Variants in ZNF254 observed in about 807,000 individuals in gnomAD.
The protein encoded by ZNF254 is CTD-2017D11.1.
In ZNF254, 10 loss-of-function variants were observed where a neutral mutation model predicts 12.4. The ratio of observed to expected loss-of-function variants is 0.80; its 90% CI spans 0.50 to 1.36. ZNF254 has a LOEUF of 1.36. ZNF254 is among the 40% of genes most tolerant of loss of function. The probability of loss-of-function intolerance (pLI) is 0.00; values close to 1 mark genes in which losing one functional copy is unlikely to be tolerated. For missense variants in ZNF254, 996 were observed against 763.9 expected (o/e 1.30, Z -3.58); for synonymous variants, 305 against 253.4 (o/e 1.20, Z -1.93).
chr19:24,059,117 T>C (rs956325917), intron 2 of ZNF254, among the ~76,000 whole-genome samples: 10 of 152,254 alleles, frequency 6.6e-5, no homozygotes, highest in African/African-American at 2.2e-4. Flanking sequence ...CAGAAGGCAC[T>C]ATAAAATATT....
chr19:24,045,363 T>C (rs557180287), intron 1 of ZNF254, among the ~76,000 whole-genome samples: 3 of 152,094 alleles, frequency 2.0e-5, no homozygotes, highest in South Asian at 4.1e-4. Flanking sequence ...CCTCCCCTTG[T>C]AGACTGAGGT....
chr19:24,127,994 G>A lies in ZNF254; in HGVS notation c.*14G>A, dbSNP rs1975022733. On this transcript the variant is annotated 3_prime_UTR_variant, in exon 4 of 4. Transcript: ENST00000357002. ...TTACAAGTATGAATAATGTGCCAAA[G>A]CCTAAGAAAACCCTCAATTCTTAAT... 6.6e-7 allele frequency: 1 copy of A among 1,523,268 alleles called. No homozygotes were observed. Among genetic ancestry groups the A allele is most frequent in the Non-Finnish European group, 8.8e-7 (1 of 1,142,368 alleles). 94.4% of individuals were successfully genotyped at this position (1,523,268 alleles called of 1,614,324 possible). A position where few individuals can be genotyped will look rare whatever the true frequency, so the allele number is the denominator to read the frequency against.
chr19:24,033,728 G>T (rs1969851669), intron 1 of ZNF254: 5 of 259,926 alleles, frequency 1.9e-5, no homozygotes, highest in South Asian at 1.2e-4. Flanking sequence ...CCCTGCTGGC[G>T]CAGTTCAGCC....
intron 1 of ZNF254, among the ~76,000 whole-genome samples, chr19:24,043,994 C>G (rs1259352137): frequency 6.7e-6 from 1 of 148,958 alleles, no homozygotes; most frequent in African/African-American, 2.5e-5. Context: ...TAATCTCAGC[C>G]CTTTGGGAGG....
intron 1 of ZNF254, among the ~76,000 whole-genome samples, chr19:24,093,478 A>G (rs974342279): frequency 5.9e-5 from 9 of 152,116 alleles, no homozygotes; most frequent in African/African-American, 1.9e-4. Context: ...ATGGTGTAAT[A>G]AAGGGGTCCA....
intron 2 of ZNF254, among the ~76,000 whole-genome samples, chr19:24,063,236 T>C (rs1466346127): frequency 1.3e-5 from 2 of 152,186 alleles, no homozygotes; most frequent in African/African-American, 4.8e-5. Flanking sequence ...ATGAGTGTAA[T>C]TGTTAATGTC....
At chr19:24,041,796 G>A (rs1260745263) in intron 1 of ZNF254, among the ~76,000 whole-genome samples, 1 of 152,246 alleles carries the variant, frequency 6.6e-6, no homozygotes, top group African/African-American at 2.4e-5. Context: ...GTGGGGACGT[G>A]GAGAGTCTTT....
chr19:24,047,868 G>T (rs1441441531), intron 2 of ZNF254, among the ~76,000 whole-genome samples: 2 of 151,022 alleles, frequency 1.3e-5, no homozygotes, highest in African/African-American at 4.9e-5. Context: ...TGTATTTTTA[G>T]TAGAGATGGG....
intron 1 of ZNF254, among the ~76,000 whole-genome samples, chr19:24,090,880 C>T (rs1168127527): frequency 6.7e-6 from 1 of 148,982 alleles, no homozygotes; most frequent in Non-Finnish European, 1.5e-5. Context: ...TTTCATTTAC[C>T]TTTTTCTTTC....
intron 1 of ZNF254, among the ~76,000 whole-genome samples, chr19:24,094,631 T>C (rs1248102825): frequency 6.6e-6 from 1 of 152,188 alleles, no homozygotes; most frequent in Non-Finnish European, 1.5e-5. Flanking sequence ...AATAGTAGTG[T>C]TGAGAGAAGG....
intron 3 of ZNF254, among the ~76,000 whole-genome samples, chr19:24,119,106 T>C (rs575805999): frequency 2.6e-5 from 4 of 152,002 alleles, no homozygotes; most frequent in African/African-American, 9.7e-5. Flanking sequence ...AATGAGACTC[T>C]GACTTCAAAA....
At chr19:24,117,602 C>G (rs1413414726) in intron 3 of ZNF254, among the ~76,000 whole-genome samples, 2 of 152,252 alleles carry the variant, frequency 1.3e-5, no homozygotes, top group South Asian at 4.1e-4. Flanking sequence ...TCTGTCACCC[C>G]TTTCTTTGAC....
chr19:24,064,233 T>C (rs1327727926), intron 2 of ZNF254, among the ~76,000 whole-genome samples: 3 of 152,172 alleles, frequency 2.0e-5, no homozygotes, highest in African/African-American at 7.2e-5. Context: ...TACTGGAACA[T>C]AAAGCTGAGC....
At chr19:24,055,257 A>C (rs1196143197) in intron 2 of ZNF254, among the ~76,000 whole-genome samples, 2 of 127,100 alleles carry the variant, frequency 1.6e-5, no homozygotes, top group African/African-American at 7.1e-5. Flanking sequence ...GACCCAGCAC[A>C]CAGAGGAGAT....
intron 1 of ZNF254, among the ~76,000 whole-genome samples, chr19:24,094,695 T>G (rs966804610): frequency 3.3e-5 from 5 of 152,062 alleles, no homozygotes; most frequent in Non-Finnish European, 5.9e-5. Flanking sequence ...TTTTTTTTTC[T>G]TTTCTTTTTG....
At chr19:24,037,909 C>T (rs1275459411) in intron 1 of ZNF254, among the ~76,000 whole-genome samples, 1 of 152,060 alleles carries the variant, frequency 6.6e-6, no homozygotes, top group East Asian at 1.9e-4. Flanking sequence ...ACACCTGGCC[C>T]TAATTTTTTG....
chr19:24,124,448 T>A (rs757380013), intron 3 of ZNF254, among the ~76,000 whole-genome samples: 42 of 152,190 alleles, frequency 2.8e-4, no homozygotes, highest in African/African-American at 9.9e-4. Context: ...AAATCATGTA[T>A]TTTTATATGA....
chr19:24,076,771 T>G (rs555404393), intron 2 of ZNF254, among the ~76,000 whole-genome samples: 1 of 152,328 alleles, frequency 6.6e-6, no homozygotes, highest in African/African-American at 2.4e-5. Context: ...ATTGTTTTAT[T>G]CTGTCAAGTT....
chr19:24,113,048 C>T (rs982149938), intron 3 of ZNF254, among the ~76,000 whole-genome samples: 2 of 152,196 alleles, frequency 1.3e-5, no homozygotes, highest in East Asian at 1.9e-4. Flanking sequence ...AAGAGCTTAC[C>T]AATGAAAAAG....
Sources: gnomAD v4.1 joint callset for allele counts (sites outside exome capture counted in the v4.1 genomes callset) on GRCh38, gnomAD v4.1.1 for gene constraint, MANE v1.5 for transcripts, NCBI Gene and HGNC (gene_info 2026-07-23, HGNC 2026-07-21) for gene names.